RALGDS: variants seen among roughly 807,000 people sequenced by gnomAD.
The protein encoded by RALGDS is ral guanine nucleotide dissociation stimulator, also known as ral guanine nucleotide exchange factor.
In RALGDS, 44 loss-of-function variants were observed where a neutral mutation model predicts 99.8. The ratio of observed to expected loss-of-function variants is 0.44; its 90% CI spans 0.35 to 0.57. The LOEUF is 0.57. Ranked by LOEUF, RALGDS falls within the 20% of genes least tolerant of loss-of-function variation. The pLI is 0.01. For synonymous variants in RALGDS, 529 were observed against 505.0 expected, an observed-to-expected ratio of 1.05 and a Z score of -0.64; for missense variants, 1,022 against 1,203.1, an observed-to-expected ratio of 0.85 and a Z score of 2.23.
At chr9:133,104,592 A>C in intron 9 of RALGDS, 1 of 492,408 alleles carries the variant, frequency 2.0e-6, no homozygotes, top group East Asian at 3.7e-5. Flanking sequence ...CAGGTGGATC[A>C]CTTGAGGTCA....
At chr9:133,123,486 C>T (rs1450012894), upstream of RALGDS, among the ~76,000 whole-genome samples, 1 of 152,198 alleles carries the variant, frequency 6.6e-6, no homozygotes, top group South Asian at 2.1e-4. Context: ...AACCCCCCAA[C>T]GCGGCTGGCC....
rs1208743654 is a variant in RALGDS at position 133,121,199 on chromosome 9, G to GGGGCGGCGGCGCGGCCC, written c.-62_-46dup. Reference sequence around the variant, plus strand: ...CGCGGGGCCGGCCCGGCGCGCGGCGGGGGCGGCGGCGCGGCCCGCGCGGCT... The same window carrying GGGGCGGCGGCGCGGCCC: ...CGCGGGGCCGGCCCGGCGCGCGGCGGGGGCGGCGGCGCGGCCCGGGCGGCGGCGCGGCCCGCGCGGCT... On this transcript the variant is annotated 5_prime_UTR_variant, in exon 1 of 18. Coordinates refer to ENST00000372050, the MANE Select transcript of RALGDS (RefSeq NM_006266.4). The GGGGCGGCGGCGCGGCCC allele has an allele frequency of 4.5e-6, 4 of 884,258 alleles. No individual in the cohort carries two copies. Among genetic ancestry groups the GGGGCGGCGGCGCGGCCC allele is most frequent in the African/African-American group, 3.7e-5 (2 of 54,418 alleles). 54.8% of individuals were successfully genotyped at this position (884,258 alleles called of 1,614,324 possible). A position where few individuals can be genotyped will look rare whatever the true frequency, so the allele number is the denominator to read the frequency against.
chr9:133,121,022 C>T lies in RALGDS; in HGVS notation c.133G>A (p.Val45Met). The T allele has an allele frequency of 6.7e-7, 1 of 1,497,242 alleles. No individual in the cohort carries two copies. The highest frequency in any genetic ancestry group is 2.8e-5 in the East Asian group (1 of 36,318). 92.7% of individuals were successfully genotyped at this position (1,497,242 alleles called of 1,614,324 possible). A position where few individuals can be genotyped will look rare whatever the true frequency, so the allele number is the denominator to read the frequency against. The change falls in exon 1 of 18, where the codon GTG becomes ATG. Residue 45 changes from valine to methionine, a missense_variant. Transcript: ENST00000372050. ...LEVGVPDSCP[V>M]VLHSFTQLDP... ...AGCTGCGTGAAGCTGTGCAGCACCA[C>T]CGGGCAGCTGTCGGGGACGCCCACC... is the stretch of plus-strand genomic sequence containing the variant.
intron 2 of RALGDS, among the ~76,000 whole-genome samples, chr9:133,110,727 A>G (rs1290633702): frequency 6.6e-6 from 1 of 152,136 alleles, no homozygotes; most frequent in Non-Finnish European, 1.5e-5. Context: ...AGAGTTTGAG[A>G]CCAGCCTGGG....
chr9:133,121,176 CGG>C lies in RALGDS; in HGVS notation c.-24_-23del. 9.4e-7 allele frequency: 1 copy of C among 1,066,788 alleles called. No homozygotes were observed. Among genetic ancestry groups the C allele is most frequent in the Non-Finnish European group, 1.1e-6 (1 of 882,146 alleles). The allele number at this position is 1,066,788 out of a possible 1,614,324, so 66.1% of individuals were successfully genotyped here. A position where few individuals can be genotyped will look rare whatever the true frequency, so the allele number is the denominator to read the frequency against. ...CCATGGAAGGCTCGCAGCGCGGGCG[CGG>C]GGCCGGCCCGGCGCGCGGCGGGGGC... On this transcript the variant is annotated 5_prime_UTR_variant, in exon 1 of 18. Coordinates refer to ENST00000372050, the MANE Select transcript of RALGDS (RefSeq NM_006266.4).
exon 1 of RALGDS, chr9:133,131,029 G>C (rs1832318159): frequency 6.5e-7 from 1 of 1,534,332 alleles, no homozygotes; most frequent in Non-Finnish European, 8.7e-7. Context: ...CAGAACAGCA[G>C]AGGCGGGGAG....
intron 1 of RALGDS, chr9:133,148,923 C>T (rs1406097930): frequency 1.3e-6 from 2 of 1,598,158 alleles, no homozygotes; most frequent in African/African-American, 1.3e-5. Context: ...ACGGTCCTCC[C>T]TCCACCCGCG....
intron 1 of RALGDS, chr9:133,129,064 C>A: frequency 6.9e-7 from 1 of 1,449,454 alleles, no homozygotes; most frequent in Admixed American, 2.5e-5. Context: ...GGGAAAGCAA[C>A]TCCCATGCCT....
Position 133,121,023 on chromosome 9 carries a change from C to G in RALGDS, c.132G>C (p.Pro44=). 6.7e-7 allele frequency: 1 copy of G among 1,496,674 alleles called. No homozygotes were observed. Among genetic ancestry groups the G allele is most frequent in the Non-Finnish European group, 8.9e-7 (1 of 1,129,528 alleles). 92.7% of individuals were successfully genotyped at this position (1,496,674 alleles called of 1,614,324 possible). A position where few individuals can be genotyped will look rare whatever the true frequency, so the allele number is the denominator to read the frequency against. The change falls in exon 1 of 18, where the codon CCG becomes CCC. Residue 44 remains proline, a synonymous_variant. Transcript: ENST00000372050. ...GCTGCGTGAAGCTGTGCAGCACCAC[C>G]GGGCAGCTGTCGGGGACGCCCACCT... The part of the protein sequence containing the change: ...RLEVGVPDSC[P]VVLHSFTQLD...
At chr9:133,148,321 TC>T (rs1832659263) in intron 1 of RALGDS, among the ~76,000 whole-genome samples, 1 of 152,144 alleles carries the variant, frequency 6.6e-6, no homozygotes, top group Non-Finnish European at 1.5e-5. Flanking sequence ...CCACAATCTG[TC>T]CTCTCCAGGC....
At chr9:133,103,632 A>C (rs2119131072) in intron 11 of RALGDS, 115 bp downstream of exon 11, 1 of 1,105,800 alleles carries the variant, frequency 9.0e-7, no homozygotes, top group South Asian at 1.2e-5. Context: ...GGGTGTCACC[A>C]GCAGGGCACT....
intron 6 of RALGDS, among the ~76,000 whole-genome samples, 182 bp from the exon 7 acceptor site, chr9:133,107,482 C>G (rs925796952): frequency 6.6e-6 from 1 of 152,226 alleles, no homozygotes; most frequent in South Asian, 2.1e-4. Flanking sequence ...AGCACCGCCT[C>G]GCGCAGCCTC....
chr9:133,122,554 G>A (rs945070489), upstream of RALGDS, among the ~76,000 whole-genome samples: 3 of 152,188 alleles, frequency 2.0e-5, no homozygotes, highest in African/African-American at 4.8e-5. Context: ...CAGTTCATCC[G>A]TTCAGAACAA....
At chr9:133,100,003 C>T in intron 17 of RALGDS, 4 of 540,362 alleles carry the variant, frequency 7.4e-6, no homozygotes, top group Non-Finnish European at 1.3e-5. Flanking sequence ...CTAACCTGTC[C>T]CAGTGAAAAA....
chr9:133,143,862 C>T (rs1025600271), intron 1 of RALGDS, among the ~76,000 whole-genome samples: 4 of 149,160 alleles, frequency 2.7e-5, no homozygotes, highest in South Asian at 2.1e-4. Flanking sequence ...CCTGGGCCAG[C>T]GGCCCGCTGT....
exon 1 of RALGDS, chr9:133,130,995 A>G (rs1264320772): frequency 1.3e-6 from 2 of 1,535,476 alleles, no homozygotes; most frequent in African/African-American, 2.7e-5. Context: ...CCCTGGCTGC[A>G]AGTGGAGGGC....
At chr9:133,123,041 T>C (rs1220338459), upstream of RALGDS, among the ~76,000 whole-genome samples, 2 of 151,952 alleles carry the variant, frequency 1.3e-5, no homozygotes, top group Non-Finnish European at 2.9e-5. Flanking sequence ...ATGGGTAGAT[T>C]TGATTTGGGA....
chr9:133,129,582 C>T (rs1008148230), intron 1 of RALGDS, among the ~76,000 whole-genome samples: 4 of 152,190 alleles, frequency 2.6e-5, no homozygotes, highest in Non-Finnish European at 5.9e-5. Context: ...CTCCCATTCC[C>T]CCTGTGTCGG....
Position 133,107,243 on chromosome 9 carries a change from CCCGCTGGGA to C in RALGDS, c.1246_1254del (p.Ser416_Arg418del). ...GCCAGGTGCTCCTTGCCCTTCTTGT[CCCGCTGGGA>C]CCAGATGGAGCCCAGGCAGTGGTAG... is the stretch of plus-strand genomic sequence containing the variant. On this transcript the variant is annotated inframe_deletion, in exon 7 of 18. Coordinates refer to ENST00000372050, the MANE Select transcript of RALGDS (RefSeq NM_006266.4). 1 of 1,613,760 alleles carries C rather than the reference CCCGCTGGGA, an allele frequency of 6.2e-7. No individual in the cohort carries two copies. Among genetic ancestry groups the C allele is most frequent in the East Asian group, 2.2e-5 (1 of 44,868 alleles).
Sources: gnomAD v4.1 joint callset for allele counts (sites outside exome capture counted in the v4.1 genomes callset) on GRCh38, gnomAD v4.1.1 for gene constraint, MANE v1.5 for transcripts, NCBI Gene and HGNC (gene_info 2026-07-23, HGNC 2026-07-21) for gene names.